TMEM71: variants seen among roughly 807,000 people sequenced by gnomAD.
The protein encoded by TMEM71 is transmembrane protein 71.
TMEM71 carries 44 observed loss-of-function variants against 38.0 expected under a neutral mutation model. That is an observed-to-expected ratio of 1.16 (90% CI 0.91 to 1.49). The LOEUF is 1.49. Ranked by LOEUF, TMEM71 falls within the 40% of genes most tolerant of loss-of-function variation. The pLI, the probability that TMEM71 is intolerant of heterozygous loss-of-function variation, is 0.00. For synonymous variants in TMEM71, 133 were observed against 122.5 expected, an observed-to-expected ratio of 1.09 and a Z score of -0.56; for missense variants, 367 against 348.6, an observed-to-expected ratio of 1.05 and a Z score of -0.42.
At chr8:132,741,493 CA>C (rs1237628555) in intron 5 of TMEM71, among the ~76,000 whole-genome samples, 2 of 152,004 alleles carry the variant, frequency 1.3e-5, no homozygotes, top group Admixed American at 1.3e-4. Context: ...TTATTGGATA[CA>C]AAGCAAAAGG....
upstream of TMEM71, among the ~76,000 whole-genome samples, chr8:132,764,021 G>A (rs190214572): frequency 5.3e-5 from 8 of 152,154 alleles, no homozygotes; most frequent in African/African-American, 1.9e-4. Context: ...TCCTGCTCTG[G>A]AACACTGTGT....
chr8:132,762,879 C>T (rs1829320830), upstream of TMEM71, among the ~76,000 whole-genome samples: 1 of 152,174 alleles, frequency 6.6e-6, no homozygotes, highest in Non-Finnish European at 1.5e-5. Context: ...TCACGTAGCC[C>T]TAGAAAATAA....
At chr8:132,726,407 A>G (rs1563746140) in intron 6 of TMEM71, among the ~76,000 whole-genome samples, 3 of 152,120 alleles carry the variant, frequency 2.0e-5, no homozygotes, top group African/African-American at 7.2e-5. Flanking sequence ...AACAGAAAAT[A>G]TTTTTTCCAT....
chr8:132,707,131 C>T (rs1041303367), downstream of TMEM71, among the ~76,000 whole-genome samples: 3 of 152,122 alleles, frequency 2.0e-5, no homozygotes, highest in Admixed American at 2.0e-4. Context: ...GGAGGAAGAA[C>T]TTATGCATTC....
chr8:132,767,125 T>C, the TMEM71 span, among the ~76,000 whole-genome samples: 2 of 152,202 alleles, frequency 1.3e-5, no homozygotes, highest in African/African-American at 2.4e-5. Context: ...GCTCTAATTC[T>C]GCTCCTCAGG....
At chr8:132,722,617 T>G (rs769966938) in intron 6 of TMEM71, among the ~76,000 whole-genome samples, 1 of 152,144 alleles carries the variant, frequency 6.6e-6, no homozygotes, top group African/African-American at 2.4e-5. Context: ...TTGTCCAAGG[T>G]CACATAGCTA....
At chr8:132,768,217 G>T in the TMEM71 span, among the ~76,000 whole-genome samples, 1 of 152,154 alleles carries the variant, frequency 6.6e-6, no homozygotes, top group Non-Finnish European at 1.5e-5. Context: ...CTGCTTTTTA[G>T]AATCTACAAT....
chr8:132,758,274 G>A (rs1272567353), intron 2 of TMEM71: 1 of 152,448 alleles, frequency 6.6e-6, no homozygotes, highest in South Asian at 2.1e-4. Context: ...ATCGTGTGCA[G>A]AGATGGTGTC....
intron 7 of TMEM71, among the ~76,000 whole-genome samples, chr8:132,716,590 G>A (rs371836650): frequency 2.1e-4 from 32 of 152,158 alleles, no homozygotes; most frequent in African/African-American, 7.0e-4. Flanking sequence ...AACTATATGG[G>A]AGGATATACA....
chr8:132,742,437 C>A, intron 5 of TMEM71, among the ~76,000 whole-genome samples: 1 of 152,214 alleles, frequency 6.6e-6, no homozygotes, highest in Non-Finnish European at 1.5e-5. Flanking sequence ...GAAGCCCTCC[C>A]AGCTACCTCT....
intron 3 of TMEM71, among the ~76,000 whole-genome samples, chr8:132,753,820 CTGTGCT>C (rs1211385419): frequency 6.6e-6 from 1 of 152,178 alleles, no homozygotes; most frequent in Non-Finnish European, 1.5e-5. Context: ...AATAAATGGT[CTGTGCT>C]TAGCACCTAG....
chr8:132,740,289 A>G (rs1443781269), intron 5 of TMEM71, among the ~76,000 whole-genome samples: 2 of 152,176 alleles, frequency 1.3e-5, no homozygotes, highest in African/African-American at 4.8e-5. Flanking sequence ...AGATATCCAC[A>G]GAGCTGTTTT....
At chr8:132,716,862 T>G (rs751374538) in intron 7 of TMEM71, among the ~76,000 whole-genome samples, 56 of 152,208 alleles carry the variant, frequency 3.7e-4, no homozygotes, top group Non-Finnish European at 7.2e-4. Flanking sequence ...CTGCACATTG[T>G]TCTGTGGTGT....
the TMEM71 span, among the ~76,000 whole-genome samples, chr8:132,770,124 C>A: frequency 1.3e-5 from 2 of 152,176 alleles, no homozygotes; most frequent in African/African-American, 2.4e-5. Context: ...AAATCAAACA[C>A]CTACAGATTA....
intron 6 of TMEM71, among the ~76,000 whole-genome samples, chr8:132,724,871 G>A (rs1306826258): frequency 6.6e-6 from 1 of 152,098 alleles, no homozygotes; most frequent in Non-Finnish European, 1.5e-5. Flanking sequence ...TTTTGTTCAT[G>A]TGAAACATGC....
chr8:132,730,742 G>C (rs1454836458), intron 5 of TMEM71, among the ~76,000 whole-genome samples: 1 of 152,148 alleles, frequency 6.6e-6, no homozygotes, highest in Non-Finnish European at 1.5e-5. Flanking sequence ...TCTAAGCCTT[G>C]ATTTCATGAC....
At chr8:132,730,838 G>T (rs148579649) in intron 5 of TMEM71, among the ~76,000 whole-genome samples, 1 of 152,246 alleles carries the variant, frequency 6.6e-6, no homozygotes, top group African/African-American at 2.4e-5. Flanking sequence ...GGGAGAATAA[G>T]ACACTGTCCC....
At chr8:132,711,617 A>C (rs1466638270) in intron 9 of TMEM71, among the ~76,000 whole-genome samples, 1 of 152,202 alleles carries the variant, frequency 6.6e-6, no homozygotes, top group Admixed American at 6.5e-5. Flanking sequence ...ACACATCATT[A>C]CTAACATGAG....
chr8:132,745,075 A>G (rs1266899407), intron 5 of TMEM71, among the ~76,000 whole-genome samples: 2 of 152,332 alleles, frequency 1.3e-5, no homozygotes, highest in Non-Finnish European at 1.5e-5. Context: ...TAAGAATCCT[A>G]GAAGGAAACC....
Sources: gnomAD v4.1 joint callset for allele counts (sites outside exome capture counted in the v4.1 genomes callset) on GRCh38, gnomAD v4.1.1 for gene constraint, MANE v1.5 for transcripts, NCBI Gene and HGNC (gene_info 2026-07-23, HGNC 2026-07-21) for gene names.